The following PHF6 variants were observed in gnomAD, a reference collection of about 807,000 sequenced individuals.
PHF6 encodes PHD finger protein 6, also known as PHD-like zinc finger protein.
A neutral mutation model predicts 34.0 loss-of-function variants in PHF6; 7 were observed. That is an observed-to-expected ratio of 0.21 (90% CI 0.12 to 0.39). The LOEUF (loss-of-function observed/expected upper bound fraction) is 0.39, where lower values mean the gene tolerates loss of function less well. Ranked by LOEUF, PHF6 falls within the 10% of genes least tolerant of loss-of-function variation. The pLI is 1.00. For missense variants in PHF6, 128 were observed against 262.8 expected (o/e 0.49, Z 3.55); for synonymous variants, 89 against 88.4 (o/e 1.01, Z -0.04).
At chrX:134,421,292 T>C (rs1024311487) in intron 9 of PHF6, among the ~76,000 whole-genome samples, 2 of 106,723 alleles carry the variant, frequency 1.9e-5, no homozygotes, top group African/African-American at 6.9e-5. Context: ...CACATATGTG[T>C]GTGTATGTTT....
chrX:134,376,443 CTG>C (rs1375118787), intron 1 of PHF6, among the ~76,000 whole-genome samples: 1 of 111,889 alleles, frequency 8.9e-6, no homozygotes, highest in Non-Finnish European at 1.9e-5. Context: ...TTTGGGAAAA[CTG>C]TACAAATCAA....
Position 134,428,457 on chromosome X carries a change from A to G in PHF6, c.*2797A>G, listed in dbSNP as rs771022014. On this transcript the variant is annotated 3_prime_UTR_variant, in exon 11 of 11. Coordinates refer to ENST00000370803, the MANE Select transcript of PHF6 (RefSeq NM_001015877.2). Reference sequence around the variant, plus strand: ...TATTAAGAGATAACAAGATCTGTAGATCTGCTATTGAATCAGAATCTGTGT... The same window carrying G: ...TATTAAGAGATAACAAGATCTGTAGGTCTGCTATTGAATCAGAATCTGTGT... 149 of 158,063 alleles carry G rather than the reference A, an allele frequency of 9.4e-4. No individual in the cohort carries two copies. Among genetic ancestry groups the G allele is most frequent in the African/African-American group, 4.3e-3 (141 of 33,136 alleles). The allele number at this position is 158,063 out of a possible 1,213,427, so 13.0% of individuals were successfully genotyped here.
At chrX:134,423,729 A>G (rs933356842) in intron 9 of PHF6, among the ~76,000 whole-genome samples, 1 of 111,919 alleles carries the variant, frequency 8.9e-6, no homozygotes, top group Admixed American at 9.5e-5. Context: ...CTACTCAAAT[A>G]TTAGACCTAG....
At chrX:134,408,500 T>C (rs146807300) in intron 5 of PHF6, among the ~76,000 whole-genome samples, 36 of 111,796 alleles carry the variant, frequency 3.2e-4, no homozygotes, top group African/African-American at 1.1e-3. Context: ...ATTATGTCTT[T>C]AATTTTTGTC....
chrX:134,406,918 C>T (rs1378215431), intron 5 of PHF6, among the ~76,000 whole-genome samples: 1 of 112,441 alleles, frequency 8.9e-6, no homozygotes, highest in Non-Finnish European at 1.9e-5. Context: ...GCAAACACTA[C>T]TATCTGTGAG....
intron 5 of PHF6, among the ~76,000 whole-genome samples, chrX:134,406,208 A>C (rs1377409337): frequency 1.8e-5 from 2 of 109,515 alleles, no homozygotes; most frequent in Non-Finnish European, 3.8e-5. Flanking sequence ...CTTAGAGTCT[A>C]CACAAGATAT....
At chrX:134,394,570 T>G (rs1407571553) in intron 5 of PHF6, among the ~76,000 whole-genome samples, 1 of 108,237 alleles carries the variant, frequency 9.2e-6, no homozygotes, top group African/African-American at 3.4e-5. Flanking sequence ...AGACAGAGTC[T>G]CGCTGTGTTG....
intron 5 of PHF6, among the ~76,000 whole-genome samples, chrX:134,395,885 C>T (rs1332576845): frequency 9.0e-6 from 1 of 111,557 alleles, no homozygotes; most frequent in Non-Finnish European, 1.9e-5. Flanking sequence ...TAAAATATGA[C>T]GGAAAAAACC....
At chrX:134,415,263 A>G (rs749210424) in intron 8 of PHF6, 143 bp downstream of exon 8, 3 of 1,023,301 alleles carry the variant, frequency 2.9e-6, no homozygotes, top group Non-Finnish European at 4.1e-6. Context: ...CTTATTTGTA[A>G]TATAATAAAG....
intron 5 of PHF6, among the ~76,000 whole-genome samples, chrX:134,405,039 CTG>C (rs1458030982): frequency 9.0e-6 from 1 of 111,604 alleles, no homozygotes; most frequent in African/African-American, 3.3e-5. Flanking sequence ...TCTGTAAATA[CTG>C]TGTTCTATAT....
At chrX:134,404,392 A>C (rs2077414473) in intron 5 of PHF6, among the ~76,000 whole-genome samples, 1 of 112,261 alleles carries the variant, frequency 8.9e-6, no homozygotes, top group Non-Finnish European at 1.9e-5. Context: ...CTGCAATCTC[A>C]TGATCAAACT....
intron 3 of PHF6, among the ~76,000 whole-genome samples, chrX:134,391,971 GTATT>G (rs752430371): frequency 2.7e-5 from 3 of 111,691 alleles, no homozygotes; most frequent in Non-Finnish European, 3.8e-5. Context: ...TGAAGTTTCT[GTATT>G]TATTTAAGGA....
intron 3 of PHF6, among the ~76,000 whole-genome samples, chrX:134,389,734 G>A (rs187521978): frequency 9.0e-6 from 1 of 111,022 alleles, no homozygotes; most frequent in Non-Finnish European, 1.9e-5. Context: ...TTCTTGCCAC[G>A]TTCATTCTGT....
At chrX:134,399,178 C>T (rs192169006) in intron 5 of PHF6, among the ~76,000 whole-genome samples, 2 of 111,624 alleles carry the variant, frequency 1.8e-5, no homozygotes, top group East Asian at 5.6e-4. Context: ...ACTTCGTGGG[C>T]TGTTGAAAAA....
chrX:134,385,675 G>T (rs1174183919), intron 3 of PHF6, among the ~76,000 whole-genome samples: 1 of 111,896 alleles, frequency 8.9e-6, no homozygotes, highest in East Asian at 2.8e-4. Flanking sequence ...TTTTAGTGTT[G>T]TTTACAACTT....
intron 5 of PHF6, among the ~76,000 whole-genome samples, chrX:134,411,837 A>G (rs189150332): frequency 1.4e-3 from 155 of 111,348 alleles, no homozygotes; most frequent in Non-Finnish European, 2.3e-3. Flanking sequence ...GGTTCAAGCA[A>G]TTCTTCTGCC....
intron 5 of PHF6, among the ~76,000 whole-genome samples, chrX:134,401,998 G>GTTTT (rs2077404396): frequency 9.0e-6 from 1 of 111,270 alleles, no homozygotes; most frequent in Non-Finnish European, 1.9e-5. Flanking sequence ...TTGTTTGTTT[G>GTTTT]TTTGTTTTTT....
intron 3 of PHF6, 46 bp downstream of exon 3, chrX:134,378,152 C>A: frequency 1.2e-6 from 1 of 868,387 alleles, no homozygotes. Context: ...TATTTAAACT[C>A]ATTAAAGAGG....
At chrX:134,379,412 T>TTTTTC (rs201243711) in intron 3 of PHF6, among the ~76,000 whole-genome samples, 10 of 86,506 alleles carry the variant, frequency 1.2e-4, no homozygotes, top group East Asian at 4.7e-4. Flanking sequence ...TTTTTTTTCC[T>TTTTTC]TTTTCTTTTC....
Sources: allele counts gnomAD v4.1 joint callset (sites outside exome capture counted in the v4.1 genomes callset), GRCh38; gene constraint gnomAD v4.1.1; transcripts MANE v1.5; gene names NCBI Gene and HGNC (gene_info 2026-07-23, HGNC 2026-07-21).